The following ANKS1B variants were observed in gnomAD, a reference collection of about 807,000 sequenced individuals.
ANKS1B encodes the protein ankyrin repeat and sterile alpha motif domain-containing protein 1B.
Under a neutral mutation model 148.3 loss-of-function variants are expected in ANKS1B, and 36 were observed. The ratio of observed to expected loss-of-function variants is 0.24; its 90% confidence interval spans 0.19 to 0.32. The LOEUF (loss-of-function observed/expected upper bound fraction) is 0.32, where lower values mean the gene tolerates loss of function less well. Ranked by LOEUF, ANKS1B falls within the 10% of genes least tolerant of loss-of-function variation. The probability of loss-of-function intolerance (pLI) is 1.00; values close to 1 mark genes in which losing one functional copy is unlikely to be tolerated. For synonymous variants in ANKS1B, 542 were observed against 560.8 expected (o/e 0.97, Z 0.47); for missense variants, 1,157 against 1,542.6 (o/e 0.75, Z 4.19).
intron 17 of ANKS1B, among the ~76,000 whole-genome samples, chr12:98,938,267 G>C (rs763379097): frequency 2.0e-5 from 3 of 152,132 alleles, no homozygotes; most frequent in African/African-American, 7.2e-5. Flanking sequence ...ATTAACCTAC[G>C]TTAAATTCTC....
intron 17 of ANKS1B, among the ~76,000 whole-genome samples, chr12:98,848,829 C>T (rs1459993481): frequency 6.8e-6 from 1 of 146,066 alleles, no homozygotes; most frequent in Non-Finnish European, 1.5e-5. Flanking sequence ...ACCTCCGCCT[C>T]CCAGATTTAA....
chr12:99,392,852 G>GA (rs1212542863), intron 12 of ANKS1B, among the ~76,000 whole-genome samples: 3 of 141,274 alleles, frequency 2.1e-5, no homozygotes, highest in East Asian at 4.2e-4. Flanking sequence ...CTCCCTCACT[G>GA]AAAAAAAATC....
At chr12:98,793,094 G>A (rs1410281501) in intron 22 of ANKS1B, among the ~76,000 whole-genome samples, 1 of 152,102 alleles carries the variant, frequency 6.6e-6, no homozygotes, top group Non-Finnish European at 1.5e-5. Context: ...ATGTACAAGG[G>A]TTCTCTTTTC....
intron 22 of ANKS1B, among the ~76,000 whole-genome samples, chr12:98,785,578 A>C (rs1440721424): frequency 6.6e-6 from 1 of 152,236 alleles, no homozygotes; most frequent in Non-Finnish European, 1.5e-5. Context: ...ACTTCATTTC[A>C]TGAAGGCTTT....
At chr12:99,373,473 T>C (rs2093246631) in intron 12 of ANKS1B, among the ~76,000 whole-genome samples, 1 of 152,068 alleles carries the variant, frequency 6.6e-6, no homozygotes. Context: ...CAATGGCCCA[T>C]CCTCCCCTGA....
rs990815010 is a variant in ANKS1B, at chr12:99,404,813, A to G, written c.1576-5002T>C. 2.1e-5 allele frequency among the ~76,000 whole-genome samples: 3 copies of G among 145,462 alleles called. 1 individual carries two copies. Among genetic ancestry groups the G allele is most frequent in the African/African-American group, 7.8e-5 (3 of 38,258 alleles). On this transcript the variant is annotated intron_variant, in intron 11 of 26. Transcript: ENST00000683438. ...AAGTATAAGAAGGCCATAGAATACC[A>G]AGGAGATTTAATCCAAACAAGACTA...
At chr12:99,721,138 C>A (rs1304243906) in intron 8 of ANKS1B, among the ~76,000 whole-genome samples, 1 of 152,090 alleles carries the variant, frequency 6.6e-6, no homozygotes, top group Non-Finnish European at 1.5e-5. Flanking sequence ...CACAATATCA[C>A]CCCTTACCAC....
intron 2 of ANKS1B, among the ~76,000 whole-genome samples, chr12:99,813,480 T>C (rs2068692059): frequency 6.6e-6 from 1 of 151,414 alleles, no homozygotes; most frequent in Non-Finnish European, 1.5e-5. Context: ...CATTTAAACA[T>C]TTCATAAAAT....
At chr12:99,256,439 A>T (rs116014986) in intron 12 of ANKS1B, among the ~76,000 whole-genome samples, 264 of 152,194 alleles carry the variant, frequency 1.7e-3, no homozygotes, top group African/African-American at 6.0e-3. Flanking sequence ...TATTCAGACC[A>T]TTTTTAAATT....
intron 17 of ANKS1B, among the ~76,000 whole-genome samples, chr12:98,842,220 G>A (rs2099410741): frequency 6.6e-6 from 1 of 152,182 alleles, no homozygotes; most frequent in African/African-American, 2.4e-5. Flanking sequence ...GTATATTCAT[G>A]CAACAAAATA....
At chr12:99,118,536 T>C (rs1219939967) in intron 15 of ANKS1B, among the ~76,000 whole-genome samples, 1 of 152,168 alleles carries the variant, frequency 6.6e-6, no homozygotes, top group Non-Finnish European at 1.5e-5. Flanking sequence ...CCTTTTCACT[T>C]TCATAAAGAG....
intron 10 of ANKS1B, among the ~76,000 whole-genome samples, chr12:99,482,358 G>A (rs1460545711): frequency 1.3e-5 from 2 of 151,808 alleles, no homozygotes; most frequent in African/African-American, 4.8e-5. Context: ...CTTTATTTCT[G>A]GGTTCTCTAT....
At chr12:99,795,028 G>C (rs1040862478) in intron 4 of ANKS1B, among the ~76,000 whole-genome samples, 15 of 149,964 alleles carry the variant, frequency 1.0e-4, no homozygotes, top group African/African-American at 3.7e-4. Flanking sequence ...AAGCAAAGAA[G>C]GTAAAAAAGA....
intron 17 of ANKS1B, among the ~76,000 whole-genome samples, chr12:99,041,419 A>G (rs986797639): frequency 1.3e-5 from 2 of 152,140 alleles, no homozygotes; most frequent in African/African-American, 4.8e-5. Flanking sequence ...TCAATAAACA[A>G]TTTTCCAGCT....
At chr12:99,721,333 G>A (rs538512090) in intron 8 of ANKS1B, among the ~76,000 whole-genome samples, 2 of 152,178 alleles carry the variant, frequency 1.3e-5, no homozygotes, top group East Asian at 3.9e-4. Flanking sequence ...GGAACGTCAG[G>A]CCTCTGAGCC....
At chr12:98,991,205 A>G (rs1389929672) in intron 17 of ANKS1B, among the ~76,000 whole-genome samples, 2 of 152,232 alleles carry the variant, frequency 1.3e-5, no homozygotes, top group Non-Finnish European at 2.9e-5. Flanking sequence ...AAACTCAAAG[A>G]AAACTCTAAT....
chr12:98,913,789 C>T (rs1307308107), intron 17 of ANKS1B, among the ~76,000 whole-genome samples: 2 of 152,098 alleles, frequency 1.3e-5, no homozygotes, highest in Admixed American at 1.3e-4. Flanking sequence ...CACTACCACA[C>T]CCATCTAATT....
At chr12:99,134,489 G>C (rs563922379) in intron 15 of ANKS1B, among the ~76,000 whole-genome samples, 169 of 152,122 alleles carry the variant, frequency 1.1e-3, no homozygotes, top group African/African-American at 4.0e-3. Context: ...GGATGGAGGA[G>C]GAGATAGAGA....
chr12:99,923,532 G>A (rs1396307669), intron 1 of ANKS1B, among the ~76,000 whole-genome samples: 1 of 152,142 alleles, frequency 6.6e-6, no homozygotes, highest in Non-Finnish European at 1.5e-5. Context: ...CTGATAGAAG[G>A]CCAGTAAGGA....
Sources: allele counts gnomAD v4.1 joint callset (sites outside exome capture counted in the v4.1 genomes callset), GRCh38; gene constraint gnomAD v4.1.1; transcripts MANE v1.5; gene names NCBI Gene and HGNC (gene_info 2026-07-23, HGNC 2026-07-21).